The following FAM83F variants were observed in gnomAD, a reference collection of about 807,000 sequenced individuals.
The protein encoded by FAM83F is protein FAM83F.
Under a neutral mutation model 42.9 loss-of-function variants are expected in FAM83F, and 45 were observed. The ratio of observed to expected loss-of-function variants is 1.05; its 90% CI spans 0.83 to 1.35. FAM83F has a LOEUF of 1.35. Among genes scored for constraint, FAM83F ranks in the 40% most tolerant of loss-of-function variants. The probability of loss-of-function intolerance (pLI) is 0.00; values close to 1 mark genes in which losing one functional copy is unlikely to be tolerated. For synonymous variants in FAM83F, 306 were observed against 298.3 expected, an observed-to-expected ratio of 1.03 and a Z score of -0.27; for missense variants, 617 against 695.9, an observed-to-expected ratio of 0.89 and a Z score of 1.28.
At chr22:40,011,188 T>TTTTTG (rs1196263045) in intron 1 of FAM83F, among the ~76,000 whole-genome samples, 2 of 152,106 alleles carry the variant, frequency 1.3e-5, no homozygotes, top group East Asian at 1.9e-4. Context: ...GCAGTGTGCT[T>TTTTTG]TTTTGTTTTG....
chr22:39,994,999 C>A lies in FAM83F; in HGVS notation c.-44C>A. 3 of 1,208,706 alleles carry A rather than the reference C, an allele frequency of 2.5e-6. No individual in the cohort carries two copies. The highest frequency in any genetic ancestry group is 2.0e-6 in the Non-Finnish European group (2 of 987,600). The allele number at this position is 1,208,706 out of a possible 1,614,324, so 74.9% of individuals were successfully genotyped here. On this transcript the variant is annotated 5_prime_UTR_variant, in exon 1 of 5. Coordinates refer to ENST00000333407, the MANE Select transcript of FAM83F (RefSeq NM_138435.4). Reference sequence around the variant, plus strand: ...CAGGTGCGGCTGTGGGACCTCGGACCGCGGCGGGGCCGGGGCCAGGGCCGG... The same window carrying A: ...CAGGTGCGGCTGTGGGACCTCGGACAGCGGCGGGGCCGGGGCCAGGGCCGG...
chr22:39,995,220 T>C lies in FAM83F; in HGVS notation c.178T>C (p.Ser60Pro), dbSNP rs1171279926. 2 of 1,532,318 alleles carry C rather than the reference T, an allele frequency of 1.3e-6. No homozygotes were observed. Among genetic ancestry groups the C allele is most frequent in the Admixed American group, 4.0e-5 (2 of 50,496 alleles). 94.9% of individuals were successfully genotyped at this position (1,532,318 alleles called of 1,614,324 possible). A position where few individuals can be genotyped will look rare whatever the true frequency, so the allele number is the denominator to read the frequency against. The change falls in exon 1 of 5, where the codon TCC (serine) becomes CCC (proline). Residue 60 changes from serine to proline, a missense_variant. Ser to Pro is a moderately conservative substitution (Grantham distance 74, BLOSUM62 -1). Coordinates refer to ENST00000333407, the MANE Select transcript of FAM83F (RefSeq NM_138435.4). This position sits in a 1 kb window ranked among gnomAD's most constrained non-coding sequence, Gnocchi z 4.6. ...GGAGGAGCAGCTGCGGGACTTCCTC[T>C]CCAGCCCGGAGCGCCAGGCCCTGCG... ...LKEEQLRDFL[S>P]SPERQALRAA...
chr22:40,014,965 A>C (rs1321683323), intron 1 of FAM83F, among the ~76,000 whole-genome samples: 1 of 152,188 alleles, frequency 6.6e-6, no homozygotes, highest in African/African-American at 2.4e-5. Context: ...AATTTACCTA[A>C]AGCACAGGAA....
chr22:40,019,792 T>A (rs1312130388), intron 2 of FAM83F, 95 bp from the exon 3 acceptor site: 4 of 1,477,834 alleles, frequency 2.7e-6, no homozygotes, highest in Non-Finnish European at 3.6e-6. Context: ...GCAGGCAGGG[T>A]CCATACACAA....
In FAM83F at chr22:40,021,619, G is replaced by C; in HGVS notation, c.1109G>C (p.Arg370Pro). Reference sequence around the variant, plus strand: ...GCCAGCGGTGGCGAGTCGGCCTGGCGCCTGGAGAGCTTCCTGAAAGACCTG... The same window carrying C: ...GCCAGCGGTGGCGAGTCGGCCTGGCCCCTGGAGAGCTTCCTGAAAGACCTG... ...EGASGGESAW[R>P]LESFLKDLVT... is the part of the protein sequence containing the mutation. Residue 370 changes from arginine (R) to proline (P), a missense_variant, in exon 4 of 5, where the codon CGC becomes CCC. Arg to Pro is a moderately radical substitution (Grantham distance 103). Transcript: ENST00000333407. The surrounding 1 kb of genome is among the most constrained non-coding windows in gnomAD (Gnocchi z 8.7). 1 of 1,588,856 alleles carries C rather than the reference G, an allele frequency of 6.3e-7. No homozygotes were observed. Among genetic ancestry groups the C allele is most frequent in the Non-Finnish European group, 8.6e-7 (1 of 1,162,258 alleles).
chr22:40,008,397 C>T (rs1383185856), intron 1 of FAM83F, among the ~76,000 whole-genome samples: 1 of 152,212 alleles, frequency 6.6e-6, no homozygotes, highest in Admixed American at 6.5e-5. Context: ...ATTTACCCAT[C>T]GCTCACAGCA....
rs1240691961 is a variant in FAM83F, at chr22:40,033,761, C to G, written c.*4196C>G. 1.3e-5 allele frequency: 2 copies of G among 152,262 alleles called. No homozygotes were observed. Among genetic ancestry groups the G allele is most frequent in the Non-Finnish European group, 2.9e-5 (2 of 68,062 alleles). 9.4% of individuals were successfully genotyped at this position (152,262 alleles called of 1,614,324 possible). On this transcript the variant is annotated 3_prime_UTR_variant, in exon 5 of 5. Coordinates refer to ENST00000333407, the MANE Select transcript of FAM83F (RefSeq NM_138435.4). The stretch of plus-strand genomic sequence containing the variant: ...CTTCTCCGAAGTGTTTCAATGCACT[C>G]TCTGCCCTGGGTACCTTGGACACAG...
rs1332891194 is a variant in FAM83F at position 40,035,084 on chromosome 22, G to C, written c.*5519G>C. 2 of 152,224 alleles carry C rather than the reference G, an allele frequency of 1.3e-5. No individual in the cohort carries two copies. The highest frequency in any genetic ancestry group is 3.9e-4 in the East Asian group (2 of 5,194). 9.4% of individuals were successfully genotyped at this position (152,224 alleles called of 1,614,324 possible). A position where few individuals can be genotyped will look rare whatever the true frequency, so the allele number is the denominator to read the frequency against. ...AAAGTCACCCAATGAGTCGCAGGAA[G>C]GGCTAGAATCTGGTTATCTGGACCG... On this transcript the variant is annotated 3_prime_UTR_variant, in exon 5 of 5. Transcript: ENST00000333407.
In FAM83F at chr22:40,040,430, A is replaced by G. The variant is rs1347067845; in HGVS notation, c.*10865A>G. On this transcript the variant is annotated 3_prime_UTR_variant, in exon 5 of 5. Transcript: ENST00000333407. ...TCAGTACAGTGTATGACACACAGCA[A>G]GTGTCCACCAAAGGGTAGTTATTAT... 1 of 152,180 alleles carries G rather than the reference A, an allele frequency of 6.6e-6. No individual in the cohort carries two copies. The highest frequency in any genetic ancestry group is 2.4e-5 in the African/African-American group (1 of 41,434). The allele number at this position is 152,180 out of a possible 1,614,324, so 9.4% of individuals were successfully genotyped here.
At position 39,995,137 on chromosome 22, in the gene FAM83F, G is replaced by A; in HGVS notation, c.95G>A (p.Arg32Gln). ...GCCTTCTACTACTGCGAGCGGCGGC[G>A]GGCCGCGCTGGAGGCGCTGCTGGGC... ...QAAFYYCERR[R>Q]AALEALLGGG... Residue 32 changes from arginine to glutamine, a missense_variant, in exon 1 of 5, where the codon CGG (arginine) becomes CAG (glutamine). By Grantham distance (43) the Arg-to-Gln change is conservative. Coordinates refer to ENST00000333407, the MANE Select transcript of FAM83F (RefSeq NM_138435.4). This position sits in a 1 kb window ranked among gnomAD's most constrained non-coding sequence, Gnocchi z 4.6. 1 of 1,373,736 alleles carries A rather than the reference G, an allele frequency of 7.3e-7. No individual in the cohort carries two copies. Among genetic ancestry groups the A allele is most frequent in the East Asian group, 3.0e-5 (1 of 33,658 alleles). The allele number at this position is 1,373,736 out of a possible 1,614,324, so 85.1% of individuals were successfully genotyped here. A position where few individuals can be genotyped will look rare whatever the true frequency, so the allele number is the denominator to read the frequency against.
Position 40,019,252 on chromosome 22 carries a change from G to C in FAM83F, c.574G>C (p.Val192Leu). 7.4e-6 allele frequency: 12 copies of C among 1,614,210 alleles called. No individual in the cohort carries two copies. The highest frequency in any genetic ancestry group is 1.0e-5 in the Non-Finnish European group (12 of 1,180,038). Residue 192 changes from valine to leucine, a missense_variant, in exon 2 of 5, where the codon GTG becomes CTG. Physicochemically the swap from Val to Leu is conservative, Grantham distance 32. Coordinates refer to ENST00000333407, the MANE Select transcript of FAM83F (RefSeq NM_138435.4). ...VDAACKRRVP[V>L]YIILDEAGVK... ...TGCTGCCTGTAAGCGCCGGGTCCCA[G>C]TGTACATCATCCTGGACGAGGCAGG...
chr22:40,017,733 T>A (rs1216618195), intron 1 of FAM83F, among the ~76,000 whole-genome samples: 1 of 152,260 alleles, frequency 6.6e-6, no homozygotes, highest in Non-Finnish European at 1.5e-5. Context: ...TAGCAGTTAC[T>A]GTTTACTGAG....
chr22:40,004,104 C>T (rs1487614574), intron 1 of FAM83F, among the ~76,000 whole-genome samples: 1 of 151,870 alleles, frequency 6.6e-6, no homozygotes, highest in African/African-American at 2.4e-5. Context: ...CAACTATGTG[C>T]CAGGAACCAG....
Position 39,999,277 on chromosome 22 carries a change from A to G in FAM83F, c.489+3746A>G, listed in dbSNP as rs938643839. Among the ~76,000 whole-genome samples the G allele has an allele frequency of 4.6e-5, 7 of 152,326 alleles. No homozygotes were observed. In the East Asian group the frequency reaches 7.7e-4, roughly 17 times the overall value. ...ACAGGCATGTCGGAACACAGCAGGAAGCTGAGATGGCACGAAGCTGTCCAC... is the reference window on the plus strand; with the variant it reads ...ACAGGCATGTCGGAACACAGCAGGAGGCTGAGATGGCACGAAGCTGTCCAC... On this transcript the variant is annotated intron_variant, in intron 1 of 4. Coordinates refer to ENST00000333407, the MANE Select transcript of FAM83F (RefSeq NM_138435.4).
At chr22:40,002,996 T>C (rs1434919844) in intron 1 of FAM83F, among the ~76,000 whole-genome samples, 1 of 152,098 alleles carries the variant, frequency 6.6e-6, no homozygotes, top group Non-Finnish European at 1.5e-5. Context: ...CTCAAAGTGG[T>C]GTCCATCCAC....
intron 1 of FAM83F, among the ~76,000 whole-genome samples, chr22:40,017,615 C>T (rs372245259): frequency 1.1e-4 from 16 of 152,326 alleles, no homozygotes; most frequent in East Asian, 1.9e-4. Context: ...CTCTATTTTG[C>T]GGCCAAAGAA....
chr22:40,001,902 C>A (rs899657018), intron 1 of FAM83F, among the ~76,000 whole-genome samples: 1 of 152,164 alleles, frequency 6.6e-6, no homozygotes, highest in African/African-American at 2.4e-5. Flanking sequence ...CCTGTGCCGG[C>A]GTGTTTCCTG....
At chr22:40,006,186 G>A (rs1468749024) in intron 1 of FAM83F, among the ~76,000 whole-genome samples, 2 of 151,902 alleles carry the variant, frequency 1.3e-5, no homozygotes, top group East Asian at 3.9e-4. Flanking sequence ...GTTGTAGTAA[G>A]CAGAGATTGC....
chr22:40,040,904 G>C lies in FAM83F; in HGVS notation c.*11339G>C, dbSNP rs1259050922. On this transcript the variant is annotated 3_prime_UTR_variant, in exon 5 of 5. Transcript: ENST00000333407. ...GAGGGGCCAGTGCAAAGGGCGGAAG[G>C]AGTTCTTCTGTGTCACAGAAATTAG... 6.6e-6 allele frequency: 1 copy of C among 152,254 alleles called. No homozygotes were observed. Among genetic ancestry groups the C allele is most frequent in the Non-Finnish European group, 1.5e-5 (1 of 68,048 alleles). 9.4% of individuals were successfully genotyped at this position (152,254 alleles called of 1,614,324 possible). A position where few individuals can be genotyped will look rare whatever the true frequency, so the allele number is the denominator to read the frequency against.
Sources: allele counts gnomAD v4.1 joint callset (sites outside exome capture counted in the v4.1 genomes callset), GRCh38; gene constraint gnomAD v4.1.1; non-coding constraint Gnocchi (gnomAD v3.1); transcripts MANE v1.5; gene names NCBI Gene and HGNC (gene_info 2026-07-23, HGNC 2026-07-21).